Variants in CACYBP observed in about 807,000 individuals in gnomAD.
CACYBP encodes calcyclin-binding protein.
In CACYBP, 11 loss-of-function variants were observed where a neutral mutation model predicts 29.6. The observed-to-expected ratio is 0.37, with a 90% confidence interval of 0.23 to 0.61. CACYBP has a LOEUF of 0.61. Among genes scored for constraint, CACYBP ranks in the 20% least tolerant of loss-of-function variants. CACYBP has a pLI of 0.65. For synonymous variants in CACYBP, 73 were observed against 88.3 expected (o/e 0.83, Z 0.97); for missense variants, 163 against 260.7 (o/e 0.63, Z 2.58).
chr1:175,004,586 A>G, intron 1 of CACYBP, 28 bp from the exon 2 acceptor site: 1 of 1,393,934 alleles, frequency 7.2e-7, no homozygotes. Context: ...TATTTATCAT[A>G]GCTAACTTAT....
chr1:175,000,296 C>T, intron 1 of CACYBP, 101 bp downstream of exon 1: 1 of 1,519,014 alleles, frequency 6.6e-7, no homozygotes, highest in Non-Finnish European at 8.8e-7. Flanking sequence ...GCCCTGCGGC[C>T]ACCCGGTCCC....
chr1:175,000,570 G>A, intron 1 of CACYBP: 1 of 1,148,016 alleles, frequency 8.7e-7, no homozygotes, highest in Non-Finnish European at 1.1e-6. Flanking sequence ...GCAAACATGA[G>A]TGTCGTTCTT....
At position 175,011,996 on chromosome 1, in the gene CACYBP, C is replaced by G. The variant is rs1409159931; in HGVS notation, c.*1917C>G. The stretch of plus-strand genomic sequence containing the variant: ...GCAGATGCCTGTAACTCCAGCTACT[C>G]GGGAGACTGAAGGACAAGAATCACT... On this transcript the variant is annotated 3_prime_UTR_variant, in exon 6 of 6. Transcript: ENST00000367679. Among the ~76,000 whole-genome samples, 1 of 152,052 alleles carries G rather than the reference C, an allele frequency of 6.6e-6. No homozygotes were observed.
chr1:175,000,271 T>G (rs1305624459), intron 1 of CACYBP, 76 bp downstream of exon 1: 3 of 1,546,398 alleles, frequency 1.9e-6, no homozygotes, highest in Non-Finnish European at 1.7e-6. Context: ...TACCGCCGTT[T>G]CCGTGGGCTG....
At chr1:175,000,273 C>T in intron 1 of CACYBP, 78 bp downstream of exon 1, 2 of 1,544,968 alleles carry the variant, frequency 1.3e-6, no homozygotes, top group Non-Finnish European at 1.7e-6. Context: ...CCGCCGTTTC[C>T]GTGGGCTGAG....
chr1:175,004,885 A>G (rs1327713035), intron 2 of CACYBP, 52 bp downstream of exon 2: 2 of 1,132,192 alleles, frequency 1.8e-6, no homozygotes, highest in Admixed American at 3.4e-5. Flanking sequence ...CCTATTCCTC[A>G]TAGTGGTCTA....
chr1:175,011,106 T>TAAAAA lies in CACYBP; in HGVS notation c.*1044_*1048dup, dbSNP rs535813233. On this transcript the variant is annotated 3_prime_UTR_variant, in exon 6 of 6. Coordinates refer to ENST00000367679, the MANE Select transcript of CACYBP (RefSeq NM_014412.3). ...GTAACAGATTGAGAACCTGTCTCAT[T>TAAAAA]AAAAAAAAAAAAAAAAAAAAAGCCG... 1.2e-4 allele frequency: 10 copies of TAAAAA among 85,222 alleles called. No individual in the cohort carries two copies. Among genetic ancestry groups the TAAAAA allele is most frequent in the East Asian group, 4.2e-4 (1 of 2,356 alleles). The allele number at this position is 85,222 out of a possible 1,614,324, so 5.3% of individuals were successfully genotyped here.
In CACYBP at chr1:175,011,994, C is replaced by T. The variant is rs944946903; in HGVS notation, c.*1915C>T. ...TGGCAGATGCCTGTAACTCCAGCTA[C>T]TCGGGAGACTGAAGGACAAGAATCA... On this transcript the variant is annotated 3_prime_UTR_variant, in exon 6 of 6. Transcript: ENST00000367679. Among the ~76,000 whole-genome samples, 1 of 152,152 alleles carries T rather than the reference C, an allele frequency of 6.6e-6. No individual in the cohort carries two copies. The highest frequency in any genetic ancestry group is 1.9e-4 in the East Asian group (1 of 5,174).
intron 4 of CACYBP, among the ~76,000 whole-genome samples, chr1:175,007,678 A>T (rs930739600): frequency 6.6e-6 from 1 of 152,204 alleles, no homozygotes; most frequent in Non-Finnish European, 1.5e-5. Context: ...ACAAAGTTGA[A>T]ATGATACACT....
intron 1 of CACYBP, among the ~76,000 whole-genome samples, chr1:175,001,587 C>T (rs1013503734): frequency 1.3e-5 from 2 of 152,186 alleles, no homozygotes; most frequent in African/African-American, 4.8e-5. Flanking sequence ...TGTATGTGGC[C>T]TTTTGTTTTT....
chr1:175,008,926 CTG>C (rs1672681990), intron 5 of CACYBP: 1 of 457,832 alleles, frequency 2.2e-6, no homozygotes, highest in Non-Finnish European at 3.9e-6. Flanking sequence ...ATACAAATAA[CTG>C]TGCCCATTCC....
At position 175,006,318 on chromosome 1, in the gene CACYBP, C is replaced by T. The variant is rs141541709; in HGVS notation, c.236-427C>T. On this transcript the variant is annotated intron_variant, in intron 2 of 5. Transcript: ENST00000367679. The stretch of plus-strand genomic sequence containing the variant: ...AGGATTCCATTTGTTTGACTACTTA[C>T]AGAAGTAGAAATGGTTATGGAATTA... Among the ~76,000 whole-genome samples the T allele has an allele frequency of 6.0e-4, 92 of 152,254 alleles. 2 individuals are homozygous for T. Among genetic ancestry groups the T allele is most frequent in the Middle Eastern group, 3.4e-3 (1 of 294 alleles).
At chr1:175,001,057 C>CTTTTG (rs1270303828) in intron 1 of CACYBP, among the ~76,000 whole-genome samples, 7 of 152,146 alleles carry the variant, frequency 4.6e-5, no homozygotes, top group South Asian at 2.1e-4. Flanking sequence ...GAGTCCCAAG[C>CTTTTG]TTTTGTTTTG....
chr1:175,008,791 T>C (rs1189262650), intron 5 of CACYBP, 85 bp downstream of exon 5: 11 of 740,566 alleles, frequency 1.5e-5, no homozygotes, highest in Non-Finnish European at 2.7e-5. Flanking sequence ...ATGGATAATG[T>C]ATTTCTGCTT....
chr1:175,000,378 C>A, intron 1 of CACYBP, 183 bp downstream of exon 1: 2 of 1,423,514 alleles, frequency 1.4e-6, no homozygotes, highest in Non-Finnish European at 1.8e-6. Flanking sequence ...CTCCCCAGCG[C>A]TTCCACTCGA....
At chr1:175,005,163 CACAA>C in intron 2 of CACYBP, 1 of 332,614 alleles carries the variant, frequency 3.0e-6, no homozygotes, top group Non-Finnish European at 5.7e-6. Flanking sequence ...TGCCAACCAC[CACAA>C]TTAACTGAGG....
At chr1:175,006,244 T>C (rs1049235090) in intron 2 of CACYBP, among the ~76,000 whole-genome samples, 2 of 152,088 alleles carry the variant, frequency 1.3e-5, no homozygotes, top group Admixed American at 6.6e-5. Context: ...GGATGAAGAA[T>C]TGGAGTCTTT....
upstream of CACYBP, chr1:174,999,803 A>G: frequency 2.6e-6 from 1 of 385,078 alleles, no homozygotes; most frequent in South Asian, 2.4e-5. Flanking sequence ...AGAGCAAGAC[A>G]TTACTCTTCT....
Position 175,004,813 on chromosome 1 carries a change from C to T in CACYBP, c.215C>T (p.Thr72Met), listed in dbSNP as rs1430522161. 9 of 1,608,768 alleles carry T rather than the reference C, an allele frequency of 5.6e-6. No individual in the cohort carries two copies. The highest frequency in any genetic ancestry group is 1.7e-5 in the Admixed American group (1 of 59,990). Reference sequence around the variant, plus strand: ...GTTGCTCCCATTACAACGGGCTATACGGTGAAAATCAGTAATTATGGTATG... The same window carrying T: ...GTTGCTCCCATTACAACGGGCTATATGGTGAAAATCAGTAATTATGGTATG... ...AVVAPITTGY[T>M]VKISNYGWDQ... The change falls in exon 2 of 6, where the codon ACG becomes ATG. Residue 72 changes from threonine to methionine, a missense_variant. Coordinates refer to ENST00000367679, the MANE Select transcript of CACYBP (RefSeq NM_014412.3).
Sources: gnomAD v4.1 joint callset for allele counts (sites outside exome capture counted in the v4.1 genomes callset) on GRCh38, gnomAD v4.1.1 for gene constraint, MANE v1.5 for transcripts, NCBI Gene and HGNC (gene_info 2026-07-23, HGNC 2026-07-21) for gene names.